Variants in TRMT9B observed in about 807,000 individuals in gnomAD.
TRMT9B encodes the protein probable tRNA methyltransferase 9B.
TRMT9B carries 16 observed loss-of-function variants against 11.5 expected under a neutral mutation model. The ratio of observed to expected loss-of-function variants is 1.39; its 90% CI spans 0.94 to 2.11. The LOEUF (loss-of-function observed/expected upper bound fraction) is 2.11. TRMT9B is among the 30% of genes most tolerant of loss of function. The pLI, the probability that TRMT9B is intolerant of heterozygous loss-of-function variation, is 0.00. For missense variants in TRMT9B, 941 were observed against 553.8 expected, an observed-to-expected ratio of 1.70 and a Z score of -7.02; for synonymous variants, 274 against 192.4, an observed-to-expected ratio of 1.42 and a Z score of -3.51.
chr8:13,014,399 C>A (rs1812231694), intron 4 of TRMT9B, among the ~76,000 whole-genome samples: 1 of 152,162 alleles, frequency 6.6e-6, no homozygotes, highest in Admixed American at 6.5e-5. Flanking sequence ...CTGGTAGGGA[C>A]CCTCCTACCA....
chr8:13,011,621 T>C lies in TRMT9B; in HGVS notation c.155-1063T>C, dbSNP rs145046373. On this transcript the variant is annotated intron_variant, in intron 3 of 4. Coordinates refer to ENST00000524591, the MANE Select transcript of TRMT9B (RefSeq NM_020844.3). ...GCTTTGTTTCAAGGTGGTTTATTCA[T>C]TCATGTTACTACCTACCTCAATCAT... 124 of 969,034 alleles carry C rather than the reference T, an allele frequency of 1.3e-4. No homozygotes were observed. The African/African-American group carries it at 1.7e-3, about 13-fold the overall frequency. 60.0% of individuals were successfully genotyped at this position (969,034 alleles called of 1,614,324 possible). A position where few individuals can be genotyped will look rare whatever the true frequency, so the allele number is the denominator to read the frequency against.
intron 3 of TRMT9B, among the ~76,000 whole-genome samples, chr8:13,008,338 A>T (rs942649757): frequency 2.6e-5 from 4 of 152,240 alleles, no homozygotes; most frequent in African/African-American, 7.2e-5. Context: ...CAAAATCACC[A>T]GTAAAAACTG....
At chr8:13,008,974 G>A (rs1811041723) in intron 3 of TRMT9B, among the ~76,000 whole-genome samples, 1 of 151,876 alleles carries the variant, frequency 6.6e-6, no homozygotes, top group Non-Finnish European at 1.5e-5. Flanking sequence ...GTGATCCACC[G>A]ACCTTCGCCT....
At position 13,028,574 on chromosome 8, in the gene TRMT9B, C is replaced by CTTTTTTTTTTTTT. The variant is rs1174647202; in HGVS notation, c.*6537_*6549dup. On this transcript the variant is annotated 3_prime_UTR_variant, in exon 5 of 5. Transcript: ENST00000524591. The stretch of plus-strand genomic sequence containing the variant: ...GATAAGCACTTTTCTCTTTTCTTTT[C>CTTTTTTTTTTTTT]TTTTTTTTTTTTTTTTTTTGAGACA... 2 of 76,082 alleles carry CTTTTTTTTTTTTT rather than the reference C, an allele frequency of 2.6e-5. No individual in the cohort carries two copies. Among genetic ancestry groups the CTTTTTTTTTTTTT allele is most frequent in the Non-Finnish European group, 2.8e-5 (1 of 35,692 alleles). 4.7% of individuals were successfully genotyped at this position (76,082 alleles called of 1,614,324 possible). A position where few individuals can be genotyped will look rare whatever the true frequency, so the allele number is the denominator to read the frequency against.
intron 2 of TRMT9B, among the ~76,000 whole-genome samples, chr8:12,999,109 A>G (rs1044346101): frequency 1.3e-5 from 2 of 152,114 alleles, no homozygotes; most frequent in African/African-American, 4.8e-5. Flanking sequence ...GACCAGCCTA[A>G]CCAACAGGGT....
rs1178196050 is a variant in TRMT9B, at chr8:13,027,011, T to C, written c.*4967T>C. On this transcript the variant is annotated 3_prime_UTR_variant, in exon 5 of 5. Coordinates refer to ENST00000524591, the MANE Select transcript of TRMT9B (RefSeq NM_020844.3). The stretch of plus-strand genomic sequence containing the variant: ...ATTTGAATTAAAAAATAGTTCTTGG[T>C]TGCAAAATATTCTGGGACCACTTTT... 3 of 167,120 alleles carry C rather than the reference T, an allele frequency of 1.8e-5. No homozygotes were observed. The highest frequency in any genetic ancestry group is 4.4e-5 in the Non-Finnish European group (3 of 68,118). The allele number at this position is 167,120 out of a possible 1,614,324, so 10.4% of individuals were successfully genotyped here. A position where few individuals can be genotyped will look rare whatever the true frequency, so the allele number is the denominator to read the frequency against.
intron 4 of TRMT9B, among the ~76,000 whole-genome samples, chr8:13,015,166 A>AT (rs1374065164): frequency 2.0e-5 from 3 of 151,874 alleles, no homozygotes; most frequent in Non-Finnish European, 2.9e-5. Flanking sequence ...TTTATTTTTT[A>AT]TTTTTTTAAC....
intron 4 of TRMT9B, 116 bp from the exon 5 acceptor site, chr8:13,020,892 A>C (rs564646279): frequency 1.6e-6 from 1 of 628,228 alleles, no homozygotes; most frequent in Non-Finnish European, 2.6e-6. Flanking sequence ...TGGAGGAAAT[A>C]AGAAGGTTTC....
chr8:13,008,806 G>A (rs776851508), intron 3 of TRMT9B, among the ~76,000 whole-genome samples: 1 of 152,098 alleles, frequency 6.6e-6, no homozygotes, highest in South Asian at 2.1e-4. Flanking sequence ...TCGGCTCACT[G>A]CAAGCTCCGC....
At chr8:13,001,077 C>T (rs910538644) in intron 2 of TRMT9B, among the ~76,000 whole-genome samples, 3 of 151,648 alleles carry the variant, frequency 2.0e-5, no homozygotes, top group Admixed American at 1.3e-4. Context: ...TGAAGCATCA[C>T]GGATTCTCAT....
At chr8:13,010,464 C>G (rs531792730) in intron 3 of TRMT9B, 1 of 984,844 alleles carries the variant, frequency 1.0e-6, no homozygotes, top group Non-Finnish European at 1.2e-6. Flanking sequence ...AAGTCATCAG[C>G]TGTTTGATGA....
intron 1 of TRMT9B, among the ~76,000 whole-genome samples, chr8:12,975,563 C>T (rs947133484): frequency 6.6e-6 from 1 of 151,926 alleles, no homozygotes; most frequent in Admixed American, 6.6e-5. Context: ...ATGGCGAAAC[C>T]GAGTCTCTAT....
intron 2 of TRMT9B, among the ~76,000 whole-genome samples, chr8:13,000,844 T>G (rs7826118): frequency 0.019 from 2,900 of 152,216 alleles, 32 homozygotes; most frequent in South Asian, 0.033. Flanking sequence ...GAAACAGAAG[T>G]GAGTTCAAGT....
intron 3 of TRMT9B, chr8:13,007,775 G>C (rs144494807): frequency 1.1e-3 from 175 of 152,196 alleles, no homozygotes; most frequent in African/African-American, 4.1e-3. Flanking sequence ...TTGGGATAAC[G>C]ACATATATAA....
At chr8:13,010,917 A>T (rs1322903560) in intron 3 of TRMT9B, 1 of 928,976 alleles carries the variant, frequency 1.1e-6, no homozygotes, top group Non-Finnish European at 1.3e-6. Flanking sequence ...TGGCTACGAG[A>T]TCAAAGAAAT....
At chr8:12,998,129 T>A (rs1431471924) in intron 2 of TRMT9B, among the ~76,000 whole-genome samples, 2 of 152,232 alleles carry the variant, frequency 1.3e-5, no homozygotes, top group Non-Finnish European at 2.9e-5. Context: ...ATTGTTTATA[T>A]TCTGGATACT....
In TRMT9B at chr8:12,951,795, C is replaced by G. The variant is rs560147517; in HGVS notation, c.-200+5829C>G. On this transcript the variant is annotated intron_variant, in intron 1 of 4. Transcript: ENST00000524591. ...GCCCAAAGCCCCCGATCCCCGGTAGCTGCGCTTCCCGCGCGGGGCGCCGGA... is the reference window on the plus strand; with the variant it reads ...GCCCAAAGCCCCCGATCCCCGGTAGGTGCGCTTCCCGCGCGGGGCGCCGGA... 11 of 152,032 alleles carry G rather than the reference C, an allele frequency of 7.2e-5. No homozygotes were observed. In the South Asian group the frequency reaches 2.3e-3, roughly 31 times the overall value. The allele number at this position is 152,032 out of a possible 1,614,324, so 9.4% of individuals were successfully genotyped here. A position where few individuals can be genotyped will look rare whatever the true frequency, so the allele number is the denominator to read the frequency against.
intron 2 of TRMT9B, among the ~76,000 whole-genome samples, chr8:13,002,070 G>T (rs1489250252): frequency 6.6e-6 from 1 of 152,014 alleles, no homozygotes; most frequent in Admixed American, 6.6e-5. Flanking sequence ...TAAAATATCA[G>T]AAAAACAAAA....
intron 1 of TRMT9B, among the ~76,000 whole-genome samples, chr8:12,948,761 C>T (rs1204935060): frequency 6.6e-6 from 1 of 152,136 alleles, no homozygotes; most frequent in South Asian, 2.1e-4. Context: ...GAGATCGAGA[C>T]CATTCTGGCT....
Sources: gnomAD v4.1 joint callset for allele counts (sites outside exome capture counted in the v4.1 genomes callset) on GRCh38, gnomAD v4.1.1 for gene constraint, MANE v1.5 for transcripts, NCBI Gene and HGNC (gene_info 2026-07-23, HGNC 2026-07-21) for gene names.